ELAPOR2: variants seen among roughly 807,000 people sequenced by gnomAD.
ELAPOR2 encodes endosome-lysosome associated apoptosis and autophagy regulator family member 2, also known as endosome/lysosome-associated apoptosis and autophagy regulator family member 2.
ELAPOR2 carries 89 observed loss-of-function variants against 120.7 expected under a neutral mutation model. The observed-to-expected ratio is 0.74, with a 90% CI of 0.62 to 0.88. ELAPOR2 has a LOEUF of 0.88. Among genes scored for constraint, ELAPOR2 ranks in the 40% least tolerant of loss-of-function variants. The pLI, the probability that ELAPOR2 is intolerant of heterozygous loss-of-function variation, is 0.00. For missense variants in ELAPOR2, 1,134 were observed against 1,251.6 expected, an observed-to-expected ratio of 0.91 and a Z score of 1.42; for synonymous variants, 444 against 444.9, an observed-to-expected ratio of 1.00 and a Z score of 0.03.
intron 8 of ELAPOR2, among the ~76,000 whole-genome samples, chr7:86,931,089 G>A (rs1463891750): frequency 1.3e-5 from 2 of 152,020 alleles, no homozygotes; most frequent in Non-Finnish European, 2.9e-5. Context: ...CCAGACCTAA[G>A]ACTAGCGATG....
intron 19 of ELAPOR2, 55 bp downstream of exon 19, chr7:86,897,451 T>C: frequency 1.3e-6 from 2 of 1,574,058 alleles, no homozygotes; most frequent in South Asian, 1.2e-5. Context: ...TATGATTTGA[T>C]GCCAGATTAA....
intron 1 of ELAPOR2, among the ~76,000 whole-genome samples, chr7:87,007,063 T>A (rs963180791): frequency 3.9e-5 from 6 of 152,158 alleles, no homozygotes; most frequent in African/African-American, 1.4e-4. Flanking sequence ...GCAGCAGAGT[T>A]GGAGAGAGAA....
At chr7:86,891,575 T>G (rs1788161088) in intron 21 of ELAPOR2, 149 bp downstream of exon 21, 1 of 591,364 alleles carries the variant, frequency 1.7e-6, no homozygotes, top group Non-Finnish European at 2.9e-6. Flanking sequence ...TGTATCTATA[T>G]CATGTGCTTC....
intron 1 of ELAPOR2, among the ~76,000 whole-genome samples, chr7:87,058,087 A>G (rs140840066): frequency 6.6e-6 from 1 of 152,368 alleles, no homozygotes; most frequent in African/African-American, 2.4e-5. Context: ...TTCCCCAATT[A>G]CAACATTGCT....
chr7:87,004,283 C>T lies in ELAPOR2; in HGVS notation c.190-39259G>A, dbSNP rs552017937. 7.2e-5 allele frequency among the ~76,000 whole-genome samples: 11 copies of T among 152,314 alleles called. No homozygotes were observed. In the East Asian group the frequency reaches 1.9e-3, roughly 27 times the overall value. ...TGTTTCCAAAATGAAGGCAAAATAG[C>T]CGCAGGCTAAAGATCAGCCCCCATT... On this transcript the variant is annotated intron_variant, in intron 1 of 21. Transcript: ENST00000450689.
intron 8 of ELAPOR2, among the ~76,000 whole-genome samples, chr7:86,931,083 A>G (rs1790303715): frequency 6.6e-6 from 1 of 151,968 alleles, no homozygotes; most frequent in Admixed American, 6.6e-5. Flanking sequence ...AGAATTCCAG[A>G]CCTAAGACTA....
In ELAPOR2 at chr7:87,023,740, T is replaced by C. The variant is rs1010948828; in HGVS notation, c.189+35585A>G. ...TTTGTTTGTATCCTCTTTTATTTCA[T>C]TGAGCAGTGGTTTGTAGTTCTCCTT... On this transcript the variant is annotated intron_variant, in intron 1 of 21. Transcript: ENST00000450689. 3.2e-3 allele frequency among the ~76,000 whole-genome samples: 488 copies of C among 152,276 alleles called. 5 individuals are homozygous for C. Among genetic ancestry groups the C allele is most frequent in the African/African-American group, 0.011 (464 of 41,544 alleles).
chr7:86,911,588 C>T (rs1009794680), intron 15 of ELAPOR2: 1 of 454,180 alleles, frequency 2.2e-6, no homozygotes, highest in Non-Finnish European at 4.4e-6. Context: ...CTTCTCACAG[C>T]AAATAAAATC....
chr7:87,006,670 T>C (rs1297180943), intron 1 of ELAPOR2, among the ~76,000 whole-genome samples: 1 of 152,140 alleles, frequency 6.6e-6, no homozygotes, highest in Non-Finnish European at 1.5e-5. Flanking sequence ...AATAAACACC[T>C]ATCCAATGGT....
At chr7:86,907,393 A>G (rs1789069316) in intron 18 of ELAPOR2, among the ~76,000 whole-genome samples, 1 of 152,078 alleles carries the variant, frequency 6.6e-6, no homozygotes, top group Non-Finnish European at 1.5e-5. Flanking sequence ...GGATACAAGC[A>G]ATATAATTAA....
At chr7:86,894,963 A>G (rs1318592493) in intron 19 of ELAPOR2, among the ~76,000 whole-genome samples, 6 of 152,032 alleles carry the variant, frequency 3.9e-5, no homozygotes, top group Non-Finnish European at 8.8e-5. Flanking sequence ...CTTTTTGTTT[A>G]TATCAGCTGT....
intron 1 of ELAPOR2, among the ~76,000 whole-genome samples, chr7:87,040,173 A>G (rs1254892441): frequency 2.6e-5 from 4 of 152,334 alleles, no homozygotes; most frequent in Admixed American, 2.6e-4. Context: ...TCAAACTGCA[A>G]GGCGGCAGCG....
At chr7:86,965,879 G>A in intron 1 of ELAPOR2, 9 of 984,112 alleles carry the variant, frequency 9.1e-6, no homozygotes, top group Non-Finnish European at 1.1e-5. Flanking sequence ...CTCCCTCACT[G>A]TGTCAATGAC....
chr7:86,926,740 G>A lies in ELAPOR2; in HGVS notation c.1266C>T (p.Thr422=). Residue 422 remains threonine (T), a synonymous_variant, in exon 9 of 22, where the codon ACC becomes ACT. Coordinates refer to ENST00000450689, the MANE Select transcript of ELAPOR2 (RefSeq NM_001142749.3). The part of the protein sequence containing the change: ...PCPPGTFSDG[T]KECRPCPAGT... ...TTGGACCAATTGACATCCTACCTTT[G>A]GTTCCATCTGAAAATGTTCCAGGAG... The A allele has an allele frequency of 6.2e-7, 1 of 1,606,356 alleles. No homozygotes were observed. Among genetic ancestry groups the A allele is most frequent in the Non-Finnish European group, 8.5e-7 (1 of 1,176,014 alleles).
At position 86,897,721 on chromosome 7, in the gene ELAPOR2, A is replaced by G. The variant is rs896708226; in HGVS notation, c.2559-89T>C. 70 of 1,442,472 alleles carry G rather than the reference A, an allele frequency of 4.9e-5. No individual in the cohort carries two copies. The African/African-American group carries it at 9.0e-4, about 19-fold the overall frequency. 89.4% of individuals were successfully genotyped at this position (1,442,472 alleles called of 1,614,324 possible). On this transcript the variant is annotated intron_variant, in intron 18 of 21. Coordinates refer to ENST00000450689, the MANE Select transcript of ELAPOR2 (RefSeq NM_001142749.3). ...TAATCAACACCAGAATACCTATCACATGCTGGGGAGCACTGTGTGGATGCT... is the reference window on the plus strand; with the variant it reads ...TAATCAACACCAGAATACCTATCACGTGCTGGGGAGCACTGTGTGGATGCT...
chr7:86,880,982 C>T (rs1799371731), intron 21 of ELAPOR2, among the ~76,000 whole-genome samples: 4 of 152,114 alleles, frequency 2.6e-5, no homozygotes, highest in Admixed American at 2.6e-4. Context: ...GCCAACAAGA[C>T]ATTAGATCAG....
At chr7:87,012,303 G>A (rs12704321) in intron 1 of ELAPOR2, among the ~76,000 whole-genome samples, 84,099 of 151,894 alleles carry the variant, frequency 0.55, 25,709 homozygotes, top group African/African-American at 0.82. Context: ...CCAGCTACTC[G>A]GGAGGCTGAG....
Position 87,059,366 on chromosome 7 carries a change from G to C in ELAPOR2, c.148C>G (p.Leu50Val). ...AGCQAAWAGD[L>V]PSSSSRPLPP... ...AGCGGGCGGCTGGAGGAGGAGGGCAGGTCCCCAGCCCAGGCCGCCTGGCAG... is the reference window on the plus strand; with the variant it reads ...AGCGGGCGGCTGGAGGAGGAGGGCACGTCCCCAGCCCAGGCCGCCTGGCAG... Residue 50 changes from leucine to valine, a missense_variant, in exon 1 of 22, where the codon CTG (leucine) becomes GTG (valine). This residue lies in a region of ELAPOR2 where 280 missense variants were observed against 331.5 expected (regional missense o/e 0.84). Transcript: ENST00000450689. The C allele has an allele frequency of 8.0e-7, 1 of 1,247,104 alleles. No homozygotes were observed. 77.3% of individuals were successfully genotyped at this position (1,247,104 alleles called of 1,614,324 possible). A position where few individuals can be genotyped will look rare whatever the true frequency, so the allele number is the denominator to read the frequency against.
intron 1 of ELAPOR2, among the ~76,000 whole-genome samples, chr7:87,040,998 G>A (rs1197271751): frequency 5.9e-5 from 9 of 152,130 alleles, no homozygotes; most frequent in Non-Finnish European, 8.8e-5. Context: ...CGATCAACTG[G>A]AAGAAAGGGT....
Sources: allele counts gnomAD v4.1 joint callset (sites outside exome capture counted in the v4.1 genomes callset), GRCh38; gene constraint gnomAD v4.1.1; regional missense constraint gnomAD v4.1.1; transcripts MANE v1.5; gene names NCBI Gene and HGNC (gene_info 2026-07-23, HGNC 2026-07-21).